The following ITPK1 variants were observed in gnomAD, a reference collection of about 807,000 sequenced individuals.
The protein encoded by ITPK1 is inositol-tetrakisphosphate 1-kinase.
In ITPK1, 21 loss-of-function variants were observed where a neutral mutation model predicts 45.3. The ratio of observed to expected loss-of-function variants is 0.46; its 90% CI spans 0.33 to 0.67. ITPK1 has a LOEUF of 0.67. Among genes scored for constraint, ITPK1 ranks in the 30% least tolerant of loss-of-function variants. ITPK1 has a pLI of 0.02. For missense variants in ITPK1, 474 were observed against 573.5 expected (o/e 0.83, Z 1.77); for synonymous variants, 258 against 253.6 (o/e 1.02, Z -0.16).
chr14:92,941,336 G>C lies in ITPK1; in HGVS notation c.*225C>G. The C allele has an allele frequency of 7.1e-7, 1 of 1,411,754 alleles. No homozygotes were observed. Among genetic ancestry groups the C allele is most frequent in the Non-Finnish European group, 9.2e-7 (1 of 1,090,538 alleles). 87.5% of individuals were successfully genotyped at this position (1,411,754 alleles called of 1,614,324 possible). ...TCAGTTAGGAGGTCTGCACAGTAGAGAGCAGGCGGACGGCCCCACTCCCCA... is the reference window on the plus strand; with the variant it reads ...TCAGTTAGGAGGTCTGCACAGTAGACAGCAGGCGGACGGCCCCACTCCCCA... On this transcript the variant is annotated 3_prime_UTR_variant, in exon 11 of 11. Coordinates refer to ENST00000267615, the MANE Select transcript of ITPK1 (RefSeq NM_014216.6).
In ITPK1 at chr14:93,103,419, C is replaced by CA. The variant is rs199903474; in HGVS notation, c.95+11649dup. Among the ~76,000 whole-genome samples the CA allele has an allele frequency of 1.0e-3, 150 of 148,884 alleles. 1 individual carries two copies. The highest frequency in any genetic ancestry group is 2.3e-3 in the African/African-American group (92 of 40,744). ...ATAGAGCAAGACTCCGTCTCCATCT[C>CA]AAAAAAAAAATAAGAAGAAGAAGAA... On this transcript the variant is annotated intron_variant, in intron 2 of 10. Transcript: ENST00000267615.
chr14:93,058,038 G>A (rs751382569), intron 3 of ITPK1, among the ~76,000 whole-genome samples: 22 of 152,312 alleles, frequency 1.4e-4, no homozygotes, highest in Non-Finnish European at 3.1e-4. Flanking sequence ...ACGCAGAAGA[G>A]GTCAAAGACT....
chr14:92,986,422 G>A (rs1282301654), intron 5 of ITPK1, among the ~76,000 whole-genome samples: 1 of 152,182 alleles, frequency 6.6e-6, no homozygotes, highest in Non-Finnish European at 1.5e-5. Flanking sequence ...AGGAATTTTG[G>A]GTGAGAGCCA....
intron 4 of ITPK1, among the ~76,000 whole-genome samples, chr14:93,006,401 T>C (rs1214248997): frequency 2.0e-5 from 3 of 152,242 alleles, no homozygotes; most frequent in African/African-American, 7.2e-5. Context: ...TGATTCTCCA[T>C]TTCAGATTGG....
chr14:93,021,756 A>G (rs1381607087), intron 3 of ITPK1, among the ~76,000 whole-genome samples: 1 of 152,178 alleles, frequency 6.6e-6, no homozygotes, highest in East Asian at 1.9e-4. Flanking sequence ...GGTGCTCCAG[A>G]GAGGTCAAGA....
intron 9 of ITPK1, 77 bp downstream of exon 9, chr14:92,951,869 C>A: frequency 8.5e-7 from 1 of 1,175,394 alleles, no homozygotes; most frequent in Non-Finnish European, 1.2e-6. Context: ...GGCCAAGGAC[C>A]CCATGGCCAC....
chr14:93,058,010 T>C (rs577652080), intron 3 of ITPK1, among the ~76,000 whole-genome samples: 30 of 152,318 alleles, frequency 2.0e-4, no homozygotes, highest in Non-Finnish European at 3.1e-4. Context: ...CATGGTTGTC[T>C]GTCTCCCTGA....
intron 3 of ITPK1, among the ~76,000 whole-genome samples, chr14:93,041,932 T>C (rs1262996387): frequency 6.6e-6 from 1 of 152,142 alleles, no homozygotes; most frequent in African/African-American, 2.4e-5. Context: ...AACCATATGT[T>C]CCTGGTAGCA....
rs1235367638 is a variant in ITPK1 at position 92,940,685 on chromosome 14, G to A, written c.*876C>T. On this transcript the variant is annotated 3_prime_UTR_variant, in exon 11 of 11. Coordinates refer to ENST00000267615, the MANE Select transcript of ITPK1 (RefSeq NM_014216.6). ...GTTAGGGCACAAAGCCAGCCCTGTG[G>A]TGCTCTCTGATCTCAAATGTCCACT... 7 of 1,282,778 alleles carry A rather than the reference G, an allele frequency of 5.5e-6. No individual in the cohort carries two copies. In the Admixed American group the frequency reaches 7.0e-5, roughly 13 times the overall value. The allele number at this position is 1,282,778 out of a possible 1,614,324, so 79.5% of individuals were successfully genotyped here. A position where few individuals can be genotyped will look rare whatever the true frequency, so the allele number is the denominator to read the frequency against.
chr14:92,960,308 G>C (rs1885001579), intron 7 of ITPK1, among the ~76,000 whole-genome samples: 2 of 152,144 alleles, frequency 1.3e-5, no homozygotes, highest in Admixed American at 6.5e-5. Context: ...GGCCCATCAG[G>C]GGCATCCTGA....
chr14:92,952,930 T>C (rs1888026964), intron 8 of ITPK1, among the ~76,000 whole-genome samples: 1 of 152,194 alleles, frequency 6.6e-6, no homozygotes, highest in Non-Finnish European at 1.5e-5. Context: ...TCTGTCACCA[T>C]CCCACGACTT....
At chr14:93,065,669 T>C (rs882023) in intron 3 of ITPK1, among the ~76,000 whole-genome samples, 74,339 of 152,012 alleles carry the variant, frequency 0.49, 19,464 homozygotes, top group African/African-American at 0.68. Flanking sequence ...AATCCTGAAG[T>C]CACTTCTAGA....
chr14:93,034,433 G>T lies in ITPK1; in HGVS notation c.121-17632C>A, dbSNP rs1233490988. 6.6e-6 allele frequency among the ~76,000 whole-genome samples: 1 copy of T among 152,190 alleles called. No individual in the cohort carries two copies. The highest frequency in any genetic ancestry group is 1.9e-4 in the East Asian group (1 of 5,190). ...CAGGCCTCCTCAGAGGGCGACTCCG[G>T]CCCCTCTGCCCAGTCTGTGCCTTCA... On this transcript the variant is annotated intron_variant, in intron 3 of 10. Transcript: ENST00000267615. The surrounding 1 kb of genome is among the most constrained non-coding windows in gnomAD (Gnocchi z 4.1).
intron 5 of ITPK1, among the ~76,000 whole-genome samples, chr14:92,982,577 C>T (rs567039362): frequency 3.9e-5 from 6 of 152,204 alleles, no homozygotes; most frequent in South Asian, 2.1e-4. Context: ...AGATCACCTG[C>T]CCCTGCGGAC....
intron 9 of ITPK1, among the ~76,000 whole-genome samples, chr14:92,951,287 A>C (rs901853997): frequency 6.6e-6 from 1 of 152,262 alleles, no homozygotes; most frequent in Non-Finnish European, 1.5e-5. Context: ...TGGTGAGGTC[A>C]GAAGTCCTAA....
intron 4 of ITPK1, among the ~76,000 whole-genome samples, chr14:93,006,652 T>C (rs983600336): frequency 6.6e-6 from 1 of 152,066 alleles, no homozygotes; most frequent in Non-Finnish European, 1.5e-5. Flanking sequence ...TGGCATGTGG[T>C]GTGAGCCACG....
At chr14:92,951,840 C>A (rs985591896) in intron 9 of ITPK1, 106 bp downstream of exon 9, 3 of 868,798 alleles carry the variant, frequency 3.5e-6, no homozygotes, top group South Asian at 1.5e-5. Flanking sequence ...CCTTCCCACC[C>A]TACCCTGCTG....
intron 4 of ITPK1, among the ~76,000 whole-genome samples, chr14:93,015,313 TGG>T (rs2139852883): frequency 6.6e-6 from 1 of 152,298 alleles, no homozygotes; most frequent in East Asian, 1.9e-4. Flanking sequence ...CTGAGGGCTG[TGG>T]GGATCAAATG....
intron 8 of ITPK1, among the ~76,000 whole-genome samples, chr14:92,956,121 C>CTTT (rs5810617): frequency 7.2e-6 from 1 of 139,176 alleles, no homozygotes; most frequent in Non-Finnish European, 1.6e-5. Context: ...GCTTAGTCTG[C>CTTT]TTTTTTTTTT....
Sources: allele counts gnomAD v4.1 joint callset (sites outside exome capture counted in the v4.1 genomes callset), GRCh38; gene constraint gnomAD v4.1.1; non-coding constraint Gnocchi (gnomAD v3.1); transcripts MANE v1.5; gene names NCBI Gene and HGNC (gene_info 2026-07-23, HGNC 2026-07-21).